ATP8A2: variants seen among roughly 807,000 people sequenced by gnomAD.
ATP8A2 encodes ATPase phospholipid transporting 8A2, also known as phospholipid-transporting ATPase IB.
In ATP8A2, 100 loss-of-function variants were observed where a neutral mutation model predicts 165.6. The observed-to-expected ratio is 0.60, with a 90% CI of 0.51 to 0.71. ATP8A2 has a LOEUF of 0.71. ATP8A2 is among the 30% of genes least tolerant of loss of function. The pLI is 0.00. For synonymous variants in ATP8A2, 543 were observed against 548.8 expected, an observed-to-expected ratio of 0.99 and a Z score of 0.15; for missense variants, 1,227 against 1,479.5, an observed-to-expected ratio of 0.83 and a Z score of 2.80.
intron 35 of ATP8A2, among the ~76,000 whole-genome samples, chr13:25,994,745 T>A (rs930033839): frequency 3.9e-5 from 6 of 152,280 alleles, no homozygotes; most frequent in African/African-American, 1.4e-4. Context: ...TTGTGTTGTG[T>A]AATTCTTGTT....
chr13:25,395,052 C>T (rs2033373972), intron 1 of ATP8A2, among the ~76,000 whole-genome samples: 1 of 152,204 alleles, frequency 6.6e-6, no homozygotes, highest in Non-Finnish European at 1.5e-5. Context: ...TTGGGTCTCT[C>T]TCTATATACA....
intron 24 of ATP8A2, among the ~76,000 whole-genome samples, chr13:25,667,168 A>G (rs2042171275): frequency 6.6e-6 from 1 of 152,104 alleles, no homozygotes; most frequent in Non-Finnish European, 1.5e-5. Context: ...CAAAATCACC[A>G]GTCTGTTTTC....
rs651643 is a variant in ATP8A2, at chr13:25,906,035, A to G, written c.3183+43627A>G. On this transcript the variant is annotated intron_variant, in intron 33 of 36. Coordinates refer to ENST00000381655, the MANE Select transcript of ATP8A2 (RefSeq NM_016529.6). Reference sequence around the variant, plus strand: ...GCAGTTTTTTTTCTAGCACCAGTCTATATTTGCCTGCATGATGAGGCCTTA... The same window carrying G: ...GCAGTTTTTTTTCTAGCACCAGTCTGTATTTGCCTGCATGATGAGGCCTTA... Among the ~76,000 whole-genome samples the G allele has an allele frequency of 3.9e-3, 594 of 152,164 alleles. 1 individual carries two copies. The highest frequency in any genetic ancestry group is 0.014 in the African/African-American group (568 of 41,508).
chr13:25,481,017 G>C (rs183013421), intron 2 of ATP8A2, among the ~76,000 whole-genome samples: 10 of 152,298 alleles, frequency 6.6e-5, no homozygotes, highest in African/African-American at 2.4e-4. Flanking sequence ...CCAGTCAGGC[G>C]TGGCAGCGCG....
chr13:25,675,936 A>G (rs1367661448), intron 24 of ATP8A2, among the ~76,000 whole-genome samples: 1 of 152,228 alleles, frequency 6.6e-6, no homozygotes, highest in Non-Finnish European at 1.5e-5. Context: ...TTACAATCAT[A>G]TATTAATAGA....
intron 35 of ATP8A2, among the ~76,000 whole-genome samples, chr13:26,002,383 G>T (rs760523252): frequency 6.6e-6 from 1 of 151,752 alleles, no homozygotes; most frequent in African/African-American, 2.4e-5. Context: ...ACTTGGACAC[G>T]GTGGGGGAAC....
chr13:25,893,211 C>T (rs1953433272), intron 33 of ATP8A2, among the ~76,000 whole-genome samples: 1 of 123,916 alleles, frequency 8.1e-6, no homozygotes, highest in Admixed American at 8.5e-5. Flanking sequence ...TCCCCCCACC[C>T]CACAACAGTC....
intron 18 of ATP8A2, among the ~76,000 whole-genome samples, chr13:25,572,993 T>C (rs1387218101): frequency 6.6e-6 from 1 of 152,200 alleles, no homozygotes; most frequent in African/African-American, 2.4e-5. Flanking sequence ...GATGAGATCA[T>C]GTGATCATGT....
intron 33 of ATP8A2, among the ~76,000 whole-genome samples, chr13:25,946,641 G>A (rs976659046): frequency 6.6e-6 from 1 of 152,228 alleles, no homozygotes; most frequent in African/African-American, 2.4e-5. Flanking sequence ...GGAGGCCCGA[G>A]TATGTATCCT....
intron 25 of ATP8A2, among the ~76,000 whole-genome samples, chr13:25,768,454 C>T (rs2044543063): frequency 6.6e-6 from 1 of 152,152 alleles, no homozygotes; most frequent in African/African-American, 2.4e-5. Context: ...CACTCCCTGA[C>T]TCCCATCCTA....
intron 10 of ATP8A2, among the ~76,000 whole-genome samples, chr13:25,549,997 T>A (rs1198706663): frequency 1.3e-5 from 2 of 152,100 alleles, no homozygotes; most frequent in African/African-American, 2.4e-5. Context: ...GCAAAGTCCC[T>A]TTTGCTGTAT....
At chr13:25,930,928 G>A (rs1275572915) in intron 33 of ATP8A2, among the ~76,000 whole-genome samples, 2 of 152,150 alleles carry the variant, frequency 1.3e-5, no homozygotes, top group East Asian at 3.9e-4. Context: ...TGCTGGTCCT[G>A]CCTCTCCAGC....
chr13:25,696,716 T>C lies in ATP8A2; in HGVS notation c.2212-2457T>C, dbSNP rs559814418. 2.0e-5 allele frequency among the ~76,000 whole-genome samples: 3 copies of C among 152,356 alleles called. No individual in the cohort carries two copies. The South Asian group carries it at 6.2e-4, about 32-fold the overall frequency. On this transcript the variant is annotated intron_variant, in intron 24 of 36. Transcript: ENST00000381655. ...TGGATTAGGCTTTGATTTAAGGGAA[T>C]GTTGTGGTTCCAGACCACTTTCTCC...
At chr13:26,011,735 A>C (rs1956852797) in intron 35 of ATP8A2, among the ~76,000 whole-genome samples, 1 of 152,106 alleles carries the variant, frequency 6.6e-6, no homozygotes, top group South Asian at 2.1e-4. Context: ...GGAGTTTGAG[A>C]CCAGCTTGGG....
At chr13:25,434,767 C>T (rs2034708445) in intron 1 of ATP8A2, among the ~76,000 whole-genome samples, 1 of 152,196 alleles carries the variant, frequency 6.6e-6, no homozygotes, top group African/African-American at 2.4e-5. Flanking sequence ...TTGTCTCTCA[C>T]TCTTTTTTCA....
chr13:25,470,157 A>G (rs2035803704), intron 2 of ATP8A2, among the ~76,000 whole-genome samples: 1 of 152,226 alleles, frequency 6.6e-6, no homozygotes, highest in African/African-American at 2.4e-5. Flanking sequence ...TTATTTAGAA[A>G]GGTCAGGCAG....
At chr13:25,695,671 A>T (rs1044269354) in intron 24 of ATP8A2, among the ~76,000 whole-genome samples, 3 of 152,208 alleles carry the variant, frequency 2.0e-5, no homozygotes, top group African/African-American at 7.2e-5. Context: ...CATCCATAAG[A>T]AGCAACTCCT....
chr13:25,763,692 T>C (rs2044431831), intron 25 of ATP8A2, among the ~76,000 whole-genome samples: 1 of 152,140 alleles, frequency 6.6e-6, no homozygotes, highest in African/African-American at 2.4e-5. Flanking sequence ...CAATGAAATA[T>C]ACCAAAATCT....
chr13:25,450,562 C>G (rs192366151), intron 1 of ATP8A2, among the ~76,000 whole-genome samples: 1 of 152,286 alleles, frequency 6.6e-6, no homozygotes, highest in East Asian at 1.9e-4. Flanking sequence ...GACGGAGTCT[C>G]GCTCTGTCGC....
Sources: allele counts gnomAD v4.1 joint callset (sites outside exome capture counted in the v4.1 genomes callset), GRCh38; gene constraint gnomAD v4.1.1; transcripts MANE v1.5; gene names NCBI Gene and HGNC (gene_info 2026-07-23, HGNC 2026-07-21).